Variants in SLC39A8 observed in about 807,000 individuals in gnomAD.
SLC39A8 encodes solute carrier family 39 member 8.
SLC39A8 carries 15 observed loss-of-function variants against 40.4 expected under a neutral mutation model. The ratio of observed to expected loss-of-function variants is 0.37; its 90% CI spans 0.25 to 0.57. The LOEUF is 0.57. Among genes scored for constraint, SLC39A8 ranks in the 20% least tolerant of loss-of-function variants. The pLI, the probability that SLC39A8 is intolerant of heterozygous loss-of-function variation, is 0.75. For synonymous variants in SLC39A8, 223 were observed against 221.6 expected, an observed-to-expected ratio of 1.01 and a Z score of -0.06; for missense variants, 472 against 558.8, an observed-to-expected ratio of 0.84 and a Z score of 1.57.
chr4:102,307,882 A>AGAACAGC (rs996065487), intron 3 of SLC39A8, among the ~76,000 whole-genome samples: 1 of 152,122 alleles, frequency 6.6e-6, no homozygotes, highest in Admixed American at 6.6e-5. Flanking sequence ...GAGAACATCT[A>AGAACAGC]GAACAGCGAA....
At chr4:102,259,039 G>A (rs930728918), downstream of SLC39A8, among the ~76,000 whole-genome samples, 8 of 152,178 alleles carry the variant, frequency 5.3e-5, no homozygotes, top group African/African-American at 1.9e-4. Context: ...CACTTCACCT[G>A]CAAAAGCACT....
At chr4:102,256,269 A>G (rs1731706689) in intron 11 of SLC39A8, among the ~76,000 whole-genome samples, 1 of 152,340 alleles carries the variant, frequency 6.6e-6, no homozygotes, top group South Asian at 2.1e-4. Context: ...TCCACGTAGC[A>G]CTTCATAGTA....
chr4:102,255,382 G>T (rs1237151953), intron 11 of SLC39A8, among the ~76,000 whole-genome samples: 4 of 152,194 alleles, frequency 2.6e-5, no homozygotes, highest in Admixed American at 2.6e-4. Flanking sequence ...AGGATGTCAG[G>T]AACTAGAACC....
chr4:102,316,244 T>C (rs994313184), intron 2 of SLC39A8, among the ~76,000 whole-genome samples: 1 of 152,178 alleles, frequency 6.6e-6, no homozygotes, highest in African/African-American at 2.4e-5. Flanking sequence ...TGGCTCTCTA[T>C]AGCATTTCTT....
intron 8 of SLC39A8, among the ~76,000 whole-genome samples, chr4:102,265,924 C>G (rs1732077580): frequency 6.6e-6 from 1 of 152,212 alleles, no homozygotes; most frequent in South Asian, 2.1e-4. Flanking sequence ...TCTACCATCA[C>G]CTGTACCAGA....
At chr4:102,265,480 G>A (rs186386493) in intron 8 of SLC39A8, among the ~76,000 whole-genome samples, 28 of 152,220 alleles carry the variant, frequency 1.8e-4, no homozygotes, top group Non-Finnish European at 3.1e-4. Flanking sequence ...GTTTGAAATC[G>A]TTTAAAAATT....
rs151192934 is a variant in SLC39A8 at position 102,322,109 on chromosome 4, T to G, written c.220-6279A>C. Among the ~76,000 whole-genome samples, 24 of 152,306 alleles carry G rather than the reference T, an allele frequency of 1.6e-4. No homozygotes were observed. The East Asian group carries it at 4.6e-3, about 29-fold the overall frequency. On this transcript the variant is annotated intron_variant, in intron 2 of 8. Transcript: ENST00000356736. ...TTACTGCCATGGGAACTGCCTTCCA[T>G]GTGATTTTGGTAAGCATAGGAGCAG... is the stretch of plus-strand genomic sequence containing the variant.
chr4:102,298,450 A>G (rs567795224), intron 6 of SLC39A8, among the ~76,000 whole-genome samples: 1 of 152,202 alleles, frequency 6.6e-6, no homozygotes, highest in Non-Finnish European at 1.5e-5. Flanking sequence ...CCAGTCAATC[A>G]AGATCAGTGG....
At chr4:102,327,442 C>T (rs1735262336) in intron 2 of SLC39A8, among the ~76,000 whole-genome samples, 1 of 152,148 alleles carries the variant, frequency 6.6e-6, no homozygotes. Context: ...TCTCCCATGA[C>T]CCCTGCCTAG....
At position 102,315,845 on chromosome 4, in the gene SLC39A8, AC is replaced by A; in HGVS notation, c.220-16del. On this transcript the variant is annotated splice_polypyrimidine_tract_variant and intron_variant, in intron 2 of 8. Coordinates refer to ENST00000356736, the MANE Select transcript of SLC39A8 (RefSeq NM_001135146.2). ...GCAGTTAAACACTGAAATAGAATAAACAAAAAAAAAATGTGATAATAATGTG... is the reference window on the plus strand; with the variant it reads ...GCAGTTAAACACTGAAATAGAATAAAAAAAAAAAAATGTGATAATAATGTG... The A allele has an allele frequency of 6.3e-7, 1 of 1,594,614 alleles. No individual in the cohort carries two copies. Among genetic ancestry groups the A allele is most frequent in the Non-Finnish European group, 8.5e-7 (1 of 1,171,546 alleles).
At chr4:102,322,638 T>A (rs1198225149) in intron 2 of SLC39A8, among the ~76,000 whole-genome samples, 2 of 152,170 alleles carry the variant, frequency 1.3e-5, no homozygotes, top group African/African-American at 4.8e-5. Context: ...TGTACCATTA[T>A]ACCAAGGCCT....
chr4:102,336,127 T>A (rs1357762209), intron 2 of SLC39A8, among the ~76,000 whole-genome samples: 1 of 152,226 alleles, frequency 6.6e-6, no homozygotes, highest in Non-Finnish European at 1.5e-5. Context: ...AAAAGTCTTA[T>A]ATCTTTATTG....
At chr4:102,267,806 G>T in intron 7 of SLC39A8, 66 bp downstream of exon 7, 1 of 1,574,034 alleles carries the variant, frequency 6.4e-7, no homozygotes, top group East Asian at 2.3e-5. Context: ...CATGTCACCT[G>T]AAAAGTCTCA....
intron 8 of SLC39A8, among the ~76,000 whole-genome samples, chr4:102,266,232 TTC>T (rs566165424): frequency 4.9e-4 from 75 of 152,312 alleles, no homozygotes; most frequent in African/African-American, 1.6e-3. Context: ...TGAGTATTAT[TTC>T]TTAGTATTAT....
At chr4:102,267,808 A>C (rs940010008) in intron 7 of SLC39A8, 64 bp downstream of exon 7, 8 of 1,578,700 alleles carry the variant, frequency 5.1e-6, no homozygotes, top group Non-Finnish European at 6.9e-6. Flanking sequence ...TGTCACCTGA[A>C]AAGTCTCATT....
rs182091779 is a variant in SLC39A8, at chr4:102,263,152, T to G, written c.1275A>C (p.Gly425=). 8.8e-5 allele frequency: 142 copies of G among 1,613,826 alleles called. 2 individuals carry two copies. Among genetic ancestry groups the G allele is most frequent in the Non-Finnish European group, 1.0e-5 (12 of 1,179,776 alleles). Residue 425 remains glycine (G), a synonymous_variant, in exon 9 of 9, where the codon GGA becomes GGC. Coordinates refer to ENST00000356736, the MANE Select transcript of SLC39A8 (RefSeq NM_001135146.2). ...MNDMLREKVT[G]RKTDFTFFMI... The stretch of plus-strand genomic sequence containing the variant: ...TGAAGAAGGTGAAATCGGTTTTTCT[T>G]CCAGTTACCTTTTCTCTCAGCATAT...
At chr4:102,332,855 T>C (rs1735521732) in intron 2 of SLC39A8, among the ~76,000 whole-genome samples, 1 of 152,228 alleles carries the variant, frequency 6.6e-6, no homozygotes, top group Non-Finnish European at 1.5e-5. Flanking sequence ...GATGAGTTCA[T>C]GTCATTTTTA....
chr4:102,268,822 T>G (rs1023130119), intron 6 of SLC39A8, among the ~76,000 whole-genome samples: 1 of 152,350 alleles, frequency 6.6e-6, no homozygotes, highest in East Asian at 1.9e-4. Context: ...TGTGATGGAC[T>G]CTTTGTAGGA....
intron 2 of SLC39A8, among the ~76,000 whole-genome samples, chr4:102,333,371 G>A (rs185247870): frequency 6.6e-6 from 1 of 152,184 alleles, no homozygotes; most frequent in Non-Finnish European, 1.5e-5. Context: ...ATCCCATAAG[G>A]TAGGTACAAT....
Sources: allele counts gnomAD v4.1 joint callset (sites outside exome capture counted in the v4.1 genomes callset), GRCh38; gene constraint gnomAD v4.1.1; transcripts MANE v1.5; gene names NCBI Gene and HGNC (gene_info 2026-07-23, HGNC 2026-07-21).